Variants in MRAP2 observed in about 807,000 individuals in gnomAD.
The protein encoded by MRAP2 is melanocortin-2 receptor accessory protein 2.
Under a neutral mutation model 17.4 loss-of-function variants are expected in MRAP2, and 20 were observed. The ratio of observed to expected loss-of-function variants is 1.15; its 90% CI spans 0.81 to 1.67. The LOEUF (loss-of-function observed/expected upper bound fraction) is 1.67. Ranked by LOEUF, MRAP2 falls within the 40% of genes most tolerant of loss-of-function variation. MRAP2 has a pLI of 0.00. For missense variants in MRAP2, 238 were observed against 240.0 expected (o/e 0.99, Z 0.05); for synonymous variants, 96 against 88.4 (o/e 1.09, Z -0.48).
At chr6:84,141,674 C>T in the MRAP2 span, among the ~76,000 whole-genome samples, 1 of 152,130 alleles carries the variant, frequency 6.6e-6, no homozygotes, top group Non-Finnish European at 1.5e-5. Context: ...ATATCCAGGG[C>T]CGGGGTGTAT....
chr6:84,108,942 C>T, the MRAP2 span, among the ~76,000 whole-genome samples: 1 of 152,064 alleles, frequency 6.6e-6, no homozygotes, highest in African/African-American at 2.4e-5. Context: ...TCCTTTCCCC[C>T]TGGCTTGTTT....
chr6:84,123,443 C>G, the MRAP2 span, among the ~76,000 whole-genome samples: 1 of 152,032 alleles, frequency 6.6e-6, no homozygotes, highest in Non-Finnish European at 1.5e-5. Flanking sequence ...ACTAACTGAT[C>G]TCTGACAAAG....
intron 1 of MRAP2, among the ~76,000 whole-genome samples, chr6:84,037,717 T>G (rs1011035167): frequency 6.6e-6 from 1 of 152,076 alleles, no homozygotes; most frequent in African/African-American, 2.4e-5. Flanking sequence ...CTGCAGCTGC[T>G]GGCCTGGGTG....
At chr6:84,145,657 C>T in the MRAP2 span, among the ~76,000 whole-genome samples, 1 of 152,052 alleles carries the variant, frequency 6.6e-6, no homozygotes, top group African/African-American at 2.4e-5. Context: ...TTTTCTCCTA[C>T]CCTCCTGCCT....
chr6:84,126,478 T>C, the MRAP2 span: 1 of 1,566,096 alleles, frequency 6.4e-7, no homozygotes, highest in Non-Finnish European at 8.7e-7. Flanking sequence ...ATGGTTTTCT[T>C]TGGCTTCTCT....
the MRAP2 span, among the ~76,000 whole-genome samples, chr6:84,104,779 A>G: frequency 6.6e-6 from 1 of 152,102 alleles, no homozygotes; most frequent in Non-Finnish European, 1.5e-5. Flanking sequence ...GAGGCAGGAG[A>G]ATGGCATGAA....
the MRAP2 span, among the ~76,000 whole-genome samples, chr6:84,111,836 G>A: frequency 1.3e-5 from 2 of 152,090 alleles, no homozygotes; most frequent in African/African-American, 4.8e-5. Context: ...TTTGTCGAAG[G>A]CCTTTTCTGC....
intron 1 of MRAP2, among the ~76,000 whole-genome samples, chr6:84,036,648 T>C (rs1467334892): frequency 6.6e-6 from 1 of 152,130 alleles, no homozygotes; most frequent in African/African-American, 2.4e-5. Flanking sequence ...AGACCAAAGC[T>C]TCCACAGTGT....
At chr6:84,065,798 A>C (rs1294605478) in intron 3 of MRAP2, among the ~76,000 whole-genome samples, 2 of 152,196 alleles carry the variant, frequency 1.3e-5, no homozygotes, top group East Asian at 3.8e-4. Flanking sequence ...GATTAAGCAG[A>C]TTACCCTCCA....
At chr6:84,121,143 T>C in the MRAP2 span, among the ~76,000 whole-genome samples, 62 of 151,764 alleles carry the variant, frequency 4.1e-4, no homozygotes, top group African/African-American at 1.5e-3. Context: ...GGTGCAATCA[T>C]AGCTCACTGC....
chr6:84,035,539 A>G lies in MRAP2; in HGVS notation c.-8+1656A>G. 2 of 444,124 alleles carry G rather than the reference A, an allele frequency of 4.5e-6. 1 individual carries two copies. The highest frequency in any genetic ancestry group is 6.0e-6 in the Non-Finnish European group (2 of 335,944). The allele number at this position is 444,124 out of a possible 1,614,324, so 27.5% of individuals were successfully genotyped here. On this transcript the variant is annotated intron_variant, in intron 1 of 3. Transcript: ENST00000257776. Reference sequence around the variant, plus strand: ...AGCAGTTTTTAAAACATGAAAGCCAAGAGAAAGAAAGATAAGATATCAGAG... The same window carrying G: ...AGCAGTTTTTAAAACATGAAAGCCAGGAGAAAGAAAGATAAGATATCAGAG...
chr6:84,124,473 A>C, the MRAP2 span: 1 of 152,624 alleles, frequency 6.6e-6, no homozygotes, highest in African/African-American at 2.4e-5. Flanking sequence ...TAAATCAGAC[A>C]TAAAAAATAA....
chr6:84,046,780 CAAAA>C (rs756963425), intron 1 of MRAP2, among the ~76,000 whole-genome samples: 10 of 23,154 alleles, frequency 4.3e-4, no homozygotes, highest in African/African-American at 1.1e-3. Context: ...AACTCCATCT[CAAAA>C]AAAAAAAAAA....
the MRAP2 span, among the ~76,000 whole-genome samples, chr6:84,130,722 A>G: frequency 2.6e-5 from 4 of 151,620 alleles, no homozygotes; most frequent in Non-Finnish European, 5.9e-5. Flanking sequence ...ATCATTTTTT[A>G]TTGCGTCTAT....
the MRAP2 span, among the ~76,000 whole-genome samples, chr6:84,131,862 G>C: frequency 2.1e-4 from 32 of 152,144 alleles, no homozygotes; most frequent in Non-Finnish European, 4.1e-4. Context: ...ATATTGTTAT[G>C]TGTGAATTTG....
intron 1 of MRAP2, among the ~76,000 whole-genome samples, chr6:84,050,399 T>C (rs2099490132): frequency 1.3e-5 from 2 of 152,160 alleles, no homozygotes; most frequent in Non-Finnish European, 2.9e-5. Flanking sequence ...ATAGAGATGC[T>C]TTAAGAAGAT....
chr6:84,054,634 T>G (rs1429169069), intron 1 of MRAP2, among the ~76,000 whole-genome samples: 2 of 152,234 alleles, frequency 1.3e-5, no homozygotes, highest in Non-Finnish European at 2.9e-5. Flanking sequence ...TCTCCATTGT[T>G]GCATAGTAGG....
the MRAP2 span, among the ~76,000 whole-genome samples, chr6:84,145,745 A>G: frequency 6.6e-6 from 1 of 152,108 alleles, no homozygotes; most frequent in Non-Finnish European, 1.5e-5. Flanking sequence ...TATAAACTGC[A>G]GAGAGTCACC....
At chr6:84,098,694 A>G in the MRAP2 span, among the ~76,000 whole-genome samples, 2 of 152,226 alleles carry the variant, frequency 1.3e-5, no homozygotes, top group African/African-American at 4.8e-5. Context: ...TCATTTTTCA[A>G]TTGCATTTCT....
Sources: allele counts gnomAD v4.1 joint callset (sites outside exome capture counted in the v4.1 genomes callset), GRCh38; gene constraint gnomAD v4.1.1; transcripts MANE v1.5; gene names NCBI Gene and HGNC (gene_info 2026-07-23, HGNC 2026-07-21).